CSTPP1: variants seen among roughly 807,000 people sequenced by gnomAD.
CSTPP1 encodes the protein UPF0705 protein C11orf49.
chr11:47,007,022 T>A, the CSTPP1 span, among the ~76,000 whole-genome samples: 1 of 145,424 alleles, frequency 6.9e-6, no homozygotes, highest in Admixed American at 6.8e-5. Context: ...TTTTTTTTTT[T>A]TGAGACAGAG....
chr11:47,030,169 A>G, the CSTPP1 span, among the ~76,000 whole-genome samples: 1 of 152,144 alleles, frequency 6.6e-6, no homozygotes, highest in Non-Finnish European at 1.5e-5. Flanking sequence ...TCAGAAGACA[A>G]GTTCAATTCC....
chr11:47,164,150 G>A, the CSTPP1 span: 4 of 1,613,826 alleles, frequency 2.5e-6, no homozygotes, highest in African/African-American at 4.0e-5. Context: ...AGGAGCCAGG[G>A]GCCTTTGGCT....
chr11:47,136,087 G>A, the CSTPP1 span, among the ~76,000 whole-genome samples: 1 of 151,990 alleles, frequency 6.6e-6, no homozygotes, highest in South Asian at 2.1e-4. Flanking sequence ...GAAACACTCT[G>A]ACTCTCCCTA....
chr11:47,053,213 C>T, the CSTPP1 span, among the ~76,000 whole-genome samples: 1 of 152,154 alleles, frequency 6.6e-6, no homozygotes, highest in African/African-American at 2.4e-5. Flanking sequence ...ACCTAGAATA[C>T]TTACATAACA....
chr11:47,132,517 G>A, the CSTPP1 span, among the ~76,000 whole-genome samples: 2 of 152,174 alleles, frequency 1.3e-5, no homozygotes, highest in African/African-American at 2.4e-5. Flanking sequence ...CCATTAGGTA[G>A]GTACTGTAGT....
At chr11:46,941,274 C>G in the CSTPP1 span, among the ~76,000 whole-genome samples, 142 of 152,324 alleles carry the variant, frequency 9.3e-4, no homozygotes, top group Non-Finnish European at 1.5e-3. Context: ...TAGTTGAGAA[C>G]TATCCCTGCC....
chr11:46,987,213 C>G, the CSTPP1 span: 2 of 1,613,906 alleles, frequency 1.2e-6, no homozygotes, highest in Non-Finnish European at 1.7e-6. Flanking sequence ...TGCAGCTCAG[C>G]GACATGTCCT....
chr11:47,028,982 C>T, the CSTPP1 span, among the ~76,000 whole-genome samples: 1 of 151,926 alleles, frequency 6.6e-6, no homozygotes, highest in Admixed American at 6.6e-5. Context: ...GGACTACAGG[C>T]GCAGGCCACC....
the CSTPP1 span, among the ~76,000 whole-genome samples, chr11:47,092,455 T>C: frequency 0.98 from 150,004 of 152,316 alleles, 73,907 homozygotes; most frequent in Middle Eastern, 1. Context: ...TTGAAACCTA[T>C]AAGAGAATTA....
the CSTPP1 span, among the ~76,000 whole-genome samples, chr11:47,068,531 CA>C: frequency 2.0e-5 from 3 of 151,246 alleles, no homozygotes; most frequent in Non-Finnish European, 4.4e-5. Context: ...GACTCCATCT[CA>C]AAAAAAAGAA....
the CSTPP1 span, among the ~76,000 whole-genome samples, chr11:47,065,836 C>T: frequency 4.0e-5 from 6 of 151,892 alleles, no homozygotes; most frequent in South Asian, 1.0e-3. Context: ...CTCCGCCACC[C>T]GGGTTCGAGC....
the CSTPP1 span, chr11:47,162,392 G>A: frequency 9.6e-4 from 322 of 335,462 alleles, no homozygotes; most frequent in African/African-American, 7.0e-3. Flanking sequence ...GAGGGGCCTA[G>A]CTTCGCACAA....
the CSTPP1 span, among the ~76,000 whole-genome samples, chr11:47,147,503 T>A: frequency 2.6e-5 from 4 of 152,174 alleles, no homozygotes; most frequent in African/African-American, 4.8e-5. Flanking sequence ...CTTGGGAAGT[T>A]CCAGAGTAAT....
chr11:47,073,399 A>G, the CSTPP1 span, among the ~76,000 whole-genome samples: 1 of 152,224 alleles, frequency 6.6e-6, no homozygotes, highest in African/African-American at 2.4e-5. Flanking sequence ...GCTTTCATCG[A>G]AAATGAAGAT....
the CSTPP1 span, among the ~76,000 whole-genome samples, chr11:47,035,934 T>G: frequency 6.7e-6 from 1 of 150,106 alleles, no homozygotes; most frequent in African/African-American, 2.5e-5. Flanking sequence ...TGTATATACA[T>G]GTATCTGCTC....
chr11:46,956,603 G>T, the CSTPP1 span, among the ~76,000 whole-genome samples: 4 of 152,148 alleles, frequency 2.6e-5, no homozygotes, highest in African/African-American at 9.7e-5. Context: ...TAGGTTTGCG[G>T]TGATCTCACA....
chr11:47,100,415 CTG>C, the CSTPP1 span, among the ~76,000 whole-genome samples: 1 of 152,200 alleles, frequency 6.6e-6, no homozygotes. Context: ...CAGCCTACAT[CTG>C]TCTCTTCAGA....
At chr11:46,987,081 T>C in the CSTPP1 span, 5 of 817,396 alleles carry the variant, frequency 6.1e-6, no homozygotes, top group South Asian at 7.8e-5. Context: ...TCCAGTCCAC[T>C]GATGAAGTGT....
chr11:47,121,098 G>A, the CSTPP1 span, among the ~76,000 whole-genome samples: 1 of 152,102 alleles, frequency 6.6e-6, no homozygotes, highest in Non-Finnish European at 1.5e-5. Context: ...ATTTTACTCT[G>A]CTGGAAAAGA....
Sources: allele counts gnomAD v4.1 joint callset (sites outside exome capture counted in the v4.1 genomes callset), GRCh38; gene constraint gnomAD v4.1.1; transcripts MANE v1.5; gene names NCBI Gene and HGNC (gene_info 2026-07-23, HGNC 2026-07-21).